The following SEMA5A variants were observed in gnomAD, a reference collection of about 807,000 sequenced individuals.
SEMA5A encodes the protein semaphorin-5A.
Under a neutral mutation model 135.5 loss-of-function variants are expected in SEMA5A, and 55 were observed. The ratio of observed to expected loss-of-function variants is 0.41; its 90% CI spans 0.33 to 0.51. The LOEUF is 0.51. Ranked by LOEUF, SEMA5A falls within the 20% of genes least tolerant of loss-of-function variation. The pLI is 0.37. For synonymous variants in SEMA5A, 580 were observed against 546.5 expected, an observed-to-expected ratio of 1.06 and a Z score of -0.85; for missense variants, 1,290 against 1,419.9, an observed-to-expected ratio of 0.91 and a Z score of 1.47.
At chr5:9,373,059 G>A (rs1412682307) in intron 3 of SEMA5A, among the ~76,000 whole-genome samples, 1 of 152,180 alleles carries the variant, frequency 6.6e-6, no homozygotes. Flanking sequence ...GGCCACATTA[G>A]AGAAGGGCAG....
At position 9,134,617 on chromosome 5, in the gene SEMA5A, TCCC is replaced by T. The variant is rs375506020; in HGVS notation, c.1599+1884_1599+1886del. 9.3e-4 allele frequency among the ~76,000 whole-genome samples: 141 copies of T among 152,344 alleles called. 2 individuals are homozygous for T. The highest frequency in any genetic ancestry group is 3.0e-3 in the African/African-American group (125 of 41,582). Reference sequence around the variant, plus strand: ...GGGGACAAGCTGCCTGCTGGGAAGCTCCCATTACAGATAGTAATAATTACATAA... The same window carrying T: ...GGGGACAAGCTGCCTGCTGGGAAGCTATTACAGATAGTAATAATTACATAA... On this transcript the variant is annotated intron_variant, in intron 13 of 22. Transcript: ENST00000382496.
At chr5:9,455,762 G>T (rs1309057447) in intron 1 of SEMA5A, among the ~76,000 whole-genome samples, 1 of 152,168 alleles carries the variant, frequency 6.6e-6, no homozygotes. Context: ...AATATTAGAA[G>T]CTAAAACAAG....
chr5:9,469,303 G>A (rs920422120), intron 1 of SEMA5A, among the ~76,000 whole-genome samples: 6 of 152,098 alleles, frequency 3.9e-5, no homozygotes, highest in South Asian at 2.1e-4. Flanking sequence ...CACCACACCC[G>A]GCCAGCAATG....
chr5:9,252,160 G>T (rs1463736939), intron 5 of SEMA5A, among the ~76,000 whole-genome samples: 1 of 152,086 alleles, frequency 6.6e-6, no homozygotes, highest in African/African-American at 2.4e-5. Context: ...AATAAAATGT[G>T]GTGCTTTTGA....
At chr5:9,145,802 CTT>C (rs397935817) in intron 12 of SEMA5A, among the ~76,000 whole-genome samples, 15 of 138,860 alleles carry the variant, frequency 1.1e-4, no homozygotes, top group South Asian at 2.4e-4. Context: ...CCACATCCAG[CTT>C]TTTTTTTTTT....
At chr5:9,231,604 G>A (rs1054106427) in intron 6 of SEMA5A, among the ~76,000 whole-genome samples, 2 of 151,540 alleles carry the variant, frequency 1.3e-5, no homozygotes, top group African/African-American at 2.4e-5. Flanking sequence ...GCCAATCTCT[G>A]TTACAAACGT....
At chr5:9,192,827 G>C (rs1211490184) in intron 10 of SEMA5A, among the ~76,000 whole-genome samples, 3 of 152,122 alleles carry the variant, frequency 2.0e-5, no homozygotes, top group East Asian at 1.9e-4. Flanking sequence ...CTACCTGCTG[G>C]GTGAAGTTTG....
At chr5:9,194,048 C>A (rs1299815613) in intron 10 of SEMA5A, among the ~76,000 whole-genome samples, 1 of 152,152 alleles carries the variant, frequency 6.6e-6, no homozygotes, top group African/African-American at 2.4e-5. Context: ...TCCATCCTTT[C>A]AGAGTGACAG....
rs13361225 is a variant in SEMA5A, at chr5:9,221,534, C to T, written c.646+3140G>A. Among the ~76,000 whole-genome samples the T allele has an allele frequency of 6.2e-4, 95 of 152,050 alleles. 1 individual carries two copies. Among genetic ancestry groups the T allele is most frequent in the African/African-American group, 1.8e-3 (73 of 41,474 alleles). On this transcript the variant is annotated intron_variant, in intron 8 of 22. Coordinates refer to ENST00000382496, the MANE Select transcript of SEMA5A (RefSeq NM_003966.3). ...AGCCAGGATGGTCTCGATCTCCTGA[C>T]CTCGTGATCCGCCCGCCTCGGCCTC...
rs747053410 is a variant in SEMA5A at position 9,197,406 on chromosome 5, G to A, written c.933-103C>T. On this transcript the variant is annotated intron_variant, in intron 9 of 22. Coordinates refer to ENST00000382496, the MANE Select transcript of SEMA5A (RefSeq NM_003966.3). ...CAGCTGTGACCTACAGCTTCCAGAG[G>A]TCTCAAGACCACAGTCTCTTAAAGA... The A allele has an allele frequency of 1.8e-3, 2,430 of 1,360,746 alleles. 4 individuals are homozygous for A. The highest frequency in any genetic ancestry group is 2.2e-3 in the Non-Finnish European group (2,171 of 998,118). The allele number at this position is 1,360,746 out of a possible 1,614,324, so 84.3% of individuals were successfully genotyped here. A position where few individuals can be genotyped will look rare whatever the true frequency, so the allele number is the denominator to read the frequency against.
At chr5:9,143,520 T>C (rs1742174774) in intron 12 of SEMA5A, among the ~76,000 whole-genome samples, 1 of 152,246 alleles carries the variant, frequency 6.6e-6, no homozygotes, top group African/African-American at 2.4e-5. Context: ...AAGCATATGT[T>C]CTTTTAGTTA....
chr5:9,225,142 A>G (rs1370461784), intron 7 of SEMA5A, among the ~76,000 whole-genome samples: 2 of 152,146 alleles, frequency 1.3e-5, no homozygotes, highest in Non-Finnish European at 2.9e-5. Context: ...CTCACAAAAT[A>G]AGAAATAAGA....
intron 5 of SEMA5A, among the ~76,000 whole-genome samples, chr5:9,266,365 G>T (rs1242642963): frequency 6.6e-6 from 1 of 152,132 alleles, no homozygotes; most frequent in African/African-American, 2.4e-5. Context: ...TAATGAGAAT[G>T]AATGGAAATA....
At chr5:9,412,719 G>T (rs1757148128) in intron 2 of SEMA5A, among the ~76,000 whole-genome samples, 1 of 151,622 alleles carries the variant, frequency 6.6e-6, no homozygotes, top group Non-Finnish European at 1.5e-5. Flanking sequence ...TAGCCTGAAG[G>T]TGATTTATAC....
chr5:9,083,587 C>T (rs377597086), intron 16 of SEMA5A, among the ~76,000 whole-genome samples: 62 of 47,554 alleles, frequency 1.3e-3, no homozygotes, highest in African/African-American at 5.9e-3. Flanking sequence ...TTCATCCATT[C>T]ATCCATCCAT....
chr5:9,210,394 T>A (rs542120330), intron 8 of SEMA5A, among the ~76,000 whole-genome samples: 9 of 152,274 alleles, frequency 5.9e-5, no homozygotes, highest in African/African-American at 2.2e-4. Context: ...CCCATAAAGG[T>A]CTGCATTAAA....
At chr5:9,398,166 A>G (rs1756485844) in intron 2 of SEMA5A, among the ~76,000 whole-genome samples, 1 of 152,232 alleles carries the variant, frequency 6.6e-6, no homozygotes. Context: ...ACAATGACCA[A>G]AGACCACTGA....
intron 1 of SEMA5A, among the ~76,000 whole-genome samples, chr5:9,468,751 T>C (rs1759361156): frequency 6.6e-6 from 1 of 152,250 alleles, no homozygotes; most frequent in Non-Finnish European, 1.5e-5. Flanking sequence ...GTTTGGGGTT[T>C]CGAATTACTA....
At chr5:9,330,481 A>G (rs1753085502) in intron 4 of SEMA5A, among the ~76,000 whole-genome samples, 1 of 152,036 alleles carries the variant, frequency 6.6e-6, no homozygotes. Flanking sequence ...AAGGAACAGA[A>G]TGGTTAGAAA....
Sources: allele counts gnomAD v4.1 joint callset (sites outside exome capture counted in the v4.1 genomes callset), GRCh38; gene constraint gnomAD v4.1.1; transcripts MANE v1.5; gene names NCBI Gene and HGNC (gene_info 2026-07-23, HGNC 2026-07-21).